Variants in PDE10A observed in about 807,000 individuals in gnomAD.
The protein encoded by PDE10A is cAMP and cAMP-inhibited cGMP 3',5'-cyclic phosphodiesterase 10A.
A neutral mutation model predicts 97.7 loss-of-function variants in PDE10A; 39 were observed. The observed-to-expected ratio is 0.40, with a 90% CI of 0.31 to 0.52. The LOEUF is 0.52. Ranked by LOEUF, PDE10A falls within the 20% of genes least tolerant of loss-of-function variation. The probability of loss-of-function intolerance (pLI) is 0.56; values close to 1 mark genes in which losing one functional copy is unlikely to be tolerated. For missense variants in PDE10A, 731 were observed against 1,047.8 expected, an observed-to-expected ratio of 0.70 and a Z score of 4.17; for synonymous variants, 371 against 376.8, an observed-to-expected ratio of 0.98 and a Z score of 0.18.
At chr6:165,670,207 C>T (rs922367306) in intron 1 of PDE10A, among the ~76,000 whole-genome samples, 4 of 152,210 alleles carry the variant, frequency 2.6e-5, no homozygotes, top group African/African-American at 4.8e-5. Flanking sequence ...CTTCCCAAAA[C>T]GACTGACAGC....
At chr6:165,713,334 C>T (rs1464776746) in intron 1 of PDE10A, among the ~76,000 whole-genome samples, 4 of 152,188 alleles carry the variant, frequency 2.6e-5, no homozygotes, top group South Asian at 2.1e-4. Flanking sequence ...AAAGAGTATG[C>T]TTGTTTCCAT....
chr6:165,927,744 T>C (rs1233934642), intron 1 of PDE10A, among the ~76,000 whole-genome samples: 2 of 148,576 alleles, frequency 1.3e-5, no homozygotes, highest in East Asian at 2.0e-4. Context: ...TTGCCCAGGC[T>C]GGAGTGCAGT....
chr6:165,459,530 CAGA>C (rs1562486908), intron 3 of PDE10A, among the ~76,000 whole-genome samples: 1 of 57,768 alleles, frequency 1.7e-5, no homozygotes, highest in East Asian at 3.4e-4. Context: ...GATAGACAGA[CAGA>C]CAGACAGACA....
chr6:165,762,607 A>C (rs1186280532), intron 1 of PDE10A, among the ~76,000 whole-genome samples: 2 of 152,226 alleles, frequency 1.3e-5, no homozygotes, highest in African/African-American at 2.4e-5. Context: ...TATAGATAGA[A>C]TAGATCACCA....
chr6:165,443,314 G>A (rs1297514250), intron 5 of PDE10A, among the ~76,000 whole-genome samples: 2 of 152,124 alleles, frequency 1.3e-5, no homozygotes, highest in Non-Finnish European at 2.9e-5. Context: ...CCAGAACCCA[G>A]TAGGACAGTC....
At chr6:165,899,174 G>T (rs1425392552) in intron 1 of PDE10A, among the ~76,000 whole-genome samples, 3 of 152,146 alleles carry the variant, frequency 2.0e-5, no homozygotes, top group Admixed American at 6.5e-5. Context: ...TAGTTAATTT[G>T]GGGGATGATC....
rs193270369 is a variant in PDE10A at position 165,919,932 on chromosome 6, C to T, written c.-615+67597G>A. On this transcript the variant is annotated intron_variant, in intron 1 of 19. Transcript: ENST00000366882. ...GGATACCTCACTGGTGCCCACCCTT[C>T]ATATTCCTTAGAGTCTCTGATTTTT... Among the ~76,000 whole-genome samples, 285 of 152,330 alleles carry T rather than the reference C, an allele frequency of 1.9e-3. 1 individual carries two copies. The highest frequency in any genetic ancestry group is 6.6e-3 in the African/African-American group (275 of 41,584).
chr6:165,399,499 G>A (rs574977000), intron 13 of PDE10A, among the ~76,000 whole-genome samples: 1 of 152,148 alleles, frequency 6.6e-6, no homozygotes, highest in Non-Finnish European at 1.5e-5. Context: ...TGTTACATAT[G>A]TATACATGTG....
intron 1 of PDE10A, among the ~76,000 whole-genome samples, chr6:165,934,845 A>G (rs1396541339): frequency 6.6e-6 from 1 of 152,240 alleles, no homozygotes; most frequent in African/African-American, 2.4e-5. Flanking sequence ...AAACATTTTC[A>G]TACACATTGT....
chr6:165,357,039 A>G (rs1783072129), intron 18 of PDE10A, among the ~76,000 whole-genome samples: 1 of 152,134 alleles, frequency 6.6e-6, no homozygotes, highest in Non-Finnish European at 1.5e-5. Flanking sequence ...TTTTTACAAT[A>G]TTAAAGAAGT....
intron 1 of PDE10A, among the ~76,000 whole-genome samples, chr6:165,591,618 T>C (rs1262626095): frequency 6.6e-6 from 1 of 152,232 alleles, no homozygotes; most frequent in Non-Finnish European, 1.5e-5. Context: ...CAATGTCAAG[T>C]TCACCTCCTA....
intron 1 of PDE10A, among the ~76,000 whole-genome samples, chr6:165,629,962 A>G (rs117025774): frequency 0.016 from 2,378 of 152,336 alleles, 35 homozygotes; most frequent in Non-Finnish European, 0.022. Flanking sequence ...GAATAAATTG[A>G]TACCATATTA....
intron 2 of PDE10A, among the ~76,000 whole-genome samples, chr6:165,482,570 T>C (rs575025643): frequency 2.9e-4 from 44 of 152,212 alleles, no homozygotes; most frequent in Non-Finnish European, 5.9e-4. Flanking sequence ...ACCACCGCCT[T>C]ACCTTTCTAG....
At chr6:165,605,259 A>G (rs1787152073) in intron 1 of PDE10A, among the ~76,000 whole-genome samples, 1 of 152,046 alleles carries the variant, frequency 6.6e-6, no homozygotes, top group Non-Finnish European at 1.5e-5. Context: ...TAAAAAACAA[A>G]ACAAAAAACA....
intron 11 of PDE10A, among the ~76,000 whole-genome samples, chr6:165,417,392 G>A (rs1048591067): frequency 6.6e-6 from 1 of 152,006 alleles, no homozygotes; most frequent in African/African-American, 2.4e-5. Context: ...TGCTATCTGT[G>A]GTCAATGGAA....
intron 1 of PDE10A, among the ~76,000 whole-genome samples, chr6:165,964,968 C>G (rs1473796515): frequency 1.3e-5 from 2 of 152,162 alleles, no homozygotes; most frequent in Admixed American, 6.5e-5. Flanking sequence ...AGGCATCAAG[C>G]CTTCAGTTGG....
At position 165,903,657 on chromosome 6, in the gene PDE10A, G is replaced by GA. The variant is rs1782177738; in HGVS notation, c.-615+83871dup. Among the ~76,000 whole-genome samples, 4 of 152,278 alleles carry GA rather than the reference G, an allele frequency of 2.6e-5. No individual in the cohort carries two copies. In the South Asian group the frequency reaches 8.3e-4, roughly 32 times the overall value. ...TCGGAAGTTGGAAGGATAAAAGGTG[G>GA]AGGTAACATTTTGGGAATTATTTTC... On this transcript the variant is annotated intron_variant, in intron 1 of 19. Transcript: ENST00000366882.
intron 1 of PDE10A, among the ~76,000 whole-genome samples, chr6:165,788,602 C>T (rs1376565034): frequency 6.7e-6 from 1 of 148,758 alleles, no homozygotes; most frequent in Non-Finnish European, 1.5e-5. Context: ...ATTCTATTTT[C>T]TCAGCTTCTG....
intron 1 of PDE10A, among the ~76,000 whole-genome samples, chr6:165,886,649 G>A (rs1040603423): frequency 2.6e-5 from 4 of 152,178 alleles, no homozygotes; most frequent in Non-Finnish European, 4.4e-5. Flanking sequence ...ATGTCCCATC[G>A]AGAATCTGTA....
Sources: gnomAD v4.1 joint callset for allele counts (sites outside exome capture counted in the v4.1 genomes callset) on GRCh38, gnomAD v4.1.1 for gene constraint, MANE v1.5 for transcripts, NCBI Gene and HGNC (gene_info 2026-07-23, HGNC 2026-07-21) for gene names.